The following GNAZ variants were observed in gnomAD, a reference collection of about 807,000 sequenced individuals.
The protein encoded by GNAZ is guanine nucleotide-binding protein G(z) subunit alpha.
In GNAZ, 3 loss-of-function variants were observed where a neutral mutation model predicts 25.4. That is an observed-to-expected ratio of 0.12 (90% CI 0.05 to 0.30). The LOEUF (loss-of-function observed/expected upper bound fraction) is 0.30, where lower values mean the gene tolerates loss of function less well. GNAZ is among the 10% of genes least tolerant of loss of function. GNAZ has a pLI of 1.00. For synonymous variants in GNAZ, 211 were observed against 205.7 expected (o/e 1.03, Z -0.22); for missense variants, 241 against 501.8 (o/e 0.48, Z 4.97).
chr22:23,099,066 C>T (rs1256035271), intron 2 of GNAZ, among the ~76,000 whole-genome samples: 1 of 152,246 alleles, frequency 6.6e-6, no homozygotes, highest in Admixed American at 6.5e-5. Flanking sequence ...AGCCCTCCTT[C>T]CGTGCTCAGC....
chr22:23,123,383 G>A lies in GNAZ; in HGVS notation c.1020G>A (p.Val340=). 2 of 1,613,960 alleles carry A rather than the reference G, an allele frequency of 1.2e-6. No individual in the cohort carries two copies. The highest frequency in any genetic ancestry group is 8.5e-7 in the Non-Finnish European group (1 of 1,179,978). ...TSNIQFVFDA[V]TDVIIQNNLK... ...ACATCCAGTTTGTCTTCGACGCGGT[G>A]ACAGACGTCATCATACAGAACAATC... The change falls in exon 3 of 3, where the codon GTG becomes GTA. Residue 340 remains valine (V), a synonymous_variant. Transcript: ENST00000615612.
chr22:23,117,051 T>C (rs1050197209), intron 2 of GNAZ, among the ~76,000 whole-genome samples: 2 of 152,114 alleles, frequency 1.3e-5, no homozygotes, highest in Non-Finnish European at 2.9e-5. Context: ...GTACAGGAGC[T>C]AGACTCCAGT....
At chr22:23,106,554 C>T (rs2069483482) in intron 2 of GNAZ, among the ~76,000 whole-genome samples, 1 of 152,178 alleles carries the variant, frequency 6.6e-6, no homozygotes, top group Non-Finnish European at 1.5e-5. Context: ...CCCAGCAGCA[C>T]AGTTCCTGAG....
chr22:23,074,966 G>A (rs1336148368), intron 1 of GNAZ, among the ~76,000 whole-genome samples: 1 of 152,214 alleles, frequency 6.6e-6, no homozygotes, highest in Non-Finnish European at 1.5e-5. Context: ...TCAGGAGTTT[G>A]AGACCAGCCT....
chr22:23,071,398 T>G lies in GNAZ; in HGVS notation c.-450+828T>G, dbSNP rs2068370342. On this transcript the variant is annotated intron_variant, in intron 1 of 2. Coordinates refer to ENST00000615612, the MANE Select transcript of GNAZ (RefSeq NM_002073.4). This position sits in a 1 kb window ranked among gnomAD's most constrained non-coding sequence, Gnocchi z 4.1. ...AGGATGATGCCAAGCGAGACCAGCG[T>G]TCCGCGTAGTCCGTGTTGGGGTGGA... Among the ~76,000 whole-genome samples the G allele has an allele frequency of 6.6e-6, 1 of 152,198 alleles. No individual in the cohort carries two copies. Among genetic ancestry groups the G allele is most frequent in the African/African-American group, 2.4e-5 (1 of 41,456 alleles).
intron 1 of GNAZ, among the ~76,000 whole-genome samples, chr22:23,094,225 G>C (rs539839744): frequency 6.6e-6 from 1 of 152,286 alleles, no homozygotes; most frequent in East Asian, 1.9e-4. Context: ...GAAGGAGCAA[G>C]AGGGGTGCGT....
At chr22:23,075,378 C>T (rs1411821547) in intron 1 of GNAZ, among the ~76,000 whole-genome samples, 1 of 152,180 alleles carries the variant, frequency 6.6e-6, no homozygotes, top group African/African-American at 2.4e-5. Context: ...GCTTCTTGCC[C>T]CTTGGTCTGT....
rs149710847 is a variant in GNAZ, at chr22:23,102,567, G to A, written c.723+6149G>A. 4.1e-3 allele frequency among the ~76,000 whole-genome samples: 627 copies of A among 152,324 alleles called. 4 individuals carry two copies. The highest frequency in any genetic ancestry group is 0.014 in the African/African-American group (598 of 41,576). On this transcript the variant is annotated intron_variant, in intron 2 of 2. Coordinates refer to ENST00000615612, the MANE Select transcript of GNAZ (RefSeq NM_002073.4). ...AGAGGTCAGCCACAAGGCAAGAGGC[G>A]GCAGGGCCCTGGGCTCAAGCCCTGC... is the stretch of plus-strand genomic sequence containing the variant.
intron 2 of GNAZ, among the ~76,000 whole-genome samples, chr22:23,112,045 A>C (rs751788082): frequency 1.3e-4 from 20 of 152,174 alleles, no homozygotes; most frequent in Admixed American, 4.6e-4. Context: ...CTTGGGGGTA[A>C]CCAGGAAAGG....
Position 23,071,676 on chromosome 22 carries a change from C to T in GNAZ, c.-450+1106C>T, listed in dbSNP as rs1446291215. On this transcript the variant is annotated intron_variant, in intron 1 of 2. Transcript: ENST00000615612. The surrounding 1 kb of genome is among the most constrained non-coding windows in gnomAD (Gnocchi z 4.1). Reference sequence around the variant, plus strand: ...GACCACCGCATAGGGGAAAACGTCTCTACTCGACCAACCCCGCTTGAGTGC... The same window carrying T: ...GACCACCGCATAGGGGAAAACGTCTTTACTCGACCAACCCCGCTTGAGTGC... Among the ~76,000 whole-genome samples the T allele has an allele frequency of 6.6e-6, 1 of 152,198 alleles. No individual in the cohort carries two copies. The highest frequency in any genetic ancestry group is 2.4e-5 in the African/African-American group (1 of 41,438).
intron 2 of GNAZ, among the ~76,000 whole-genome samples, chr22:23,115,604 G>A (rs1043961838): frequency 6.6e-6 from 1 of 152,108 alleles, no homozygotes; most frequent in African/African-American, 2.4e-5. Flanking sequence ...CCTGCAGGGT[G>A]GCCTCCCACA....
At chr22:23,075,001 T>C (rs1166806457) in intron 1 of GNAZ, among the ~76,000 whole-genome samples, 1 of 152,192 alleles carries the variant, frequency 6.6e-6, no homozygotes, top group Non-Finnish European at 1.5e-5. Flanking sequence ...AGCCTGTCTC[T>C]ACAAAAGTAA....
chr22:23,076,829 G>C (rs1425334803), intron 1 of GNAZ, among the ~76,000 whole-genome samples: 1 of 152,248 alleles, frequency 6.6e-6, no homozygotes, highest in Non-Finnish European at 1.5e-5. Context: ...TCAAGGAGTG[G>C]CCTCTCAGGC....
intron 1 of GNAZ, among the ~76,000 whole-genome samples, chr22:23,080,068 C>G (rs1193947949): frequency 6.6e-6 from 1 of 152,206 alleles, no homozygotes; most frequent in African/African-American, 2.4e-5. Context: ...GGCTACGGCT[C>G]TCTCCAAGGC....
Position 23,123,724 on chromosome 22 carries a change from G to A in GNAZ, c.*293G>A, listed in dbSNP as rs565723022. The A allele has an allele frequency of 4.9e-5, 20 of 404,920 alleles. No individual in the cohort carries two copies. The highest frequency in any genetic ancestry group is 4.0e-4 in the African/African-American group (20 of 50,180). The allele number at this position is 404,920 out of a possible 1,614,324, so 25.1% of individuals were successfully genotyped here. ...AGAAGCTGTCACAAGGTCACTACAA[G>A]CCCAACCTGCCCCTTCACTTTGCCT... On this transcript the variant is annotated 3_prime_UTR_variant, in exon 3 of 3. Coordinates refer to ENST00000615612, the MANE Select transcript of GNAZ (RefSeq NM_002073.4).
In GNAZ at chr22:23,096,170, G is replaced by C; in HGVS notation, c.475G>C (p.Asp159His). Reference sequence around the variant, plus strand: ...GGACAACGCGGCCTACTACCTGAACGACCTGGAGCGCATCGCCGCAGCTGA... The same window carrying C: ...GGACAACGCGGCCTACTACCTGAACCACCTGGAGCGCATCGCCGCAGCTGA... The part of the protein sequence containing the change: ...LEDNAAYYLN[D>H]LERIAAADYI... The change falls in exon 2 of 3, where the codon GAC becomes CAC. Residue 159 changes from aspartate (D) to histidine (H), a missense_variant. By Grantham distance (81) the Asp-to-His change is moderately conservative. Transcript: ENST00000615612. The C allele has an allele frequency of 6.2e-7, 1 of 1,613,158 alleles. No individual in the cohort carries two copies. Among genetic ancestry groups the C allele is most frequent in the Non-Finnish European group, 8.5e-7 (1 of 1,179,800 alleles).
At chr22:23,092,557 T>G (rs535696219) in intron 1 of GNAZ, among the ~76,000 whole-genome samples, 1 of 152,186 alleles carries the variant, frequency 6.6e-6, no homozygotes, top group African/African-American at 2.4e-5. Flanking sequence ...TTGGCCCTGA[T>G]GCATGTGATT....
At chr22:23,094,400 GC>G (rs140419556) in intron 1 of GNAZ, among the ~76,000 whole-genome samples, 1,899 of 152,240 alleles carry the variant, frequency 0.012, 19 homozygotes, top group Middle Eastern at 0.027. Context: ...GGATGGGGAG[GC>G]CCTGACTCGC....
intron 1 of GNAZ, among the ~76,000 whole-genome samples, chr22:23,075,769 T>C (rs956233626): frequency 2.6e-5 from 4 of 151,888 alleles, no homozygotes; most frequent in African/African-American, 9.7e-5. Context: ...GGGACCGTGG[T>C]TGTGGTTAGA....
Sources: allele counts gnomAD v4.1 joint callset (sites outside exome capture counted in the v4.1 genomes callset), GRCh38; gene constraint gnomAD v4.1.1; non-coding constraint Gnocchi (gnomAD v3.1); transcripts MANE v1.5; gene names NCBI Gene and HGNC (gene_info 2026-07-23, HGNC 2026-07-21).